The following SEMA6A variants were observed in gnomAD, a reference collection of about 807,000 sequenced individuals.
SEMA6A encodes the protein semaphorin 6A.
In SEMA6A, 25 loss-of-function variants were observed where a neutral mutation model predicts 96.8. The ratio of observed to expected loss-of-function variants is 0.26; its 90% CI spans 0.19 to 0.36. The LOEUF is 0.36. Ranked by LOEUF, SEMA6A falls within the 10% of genes least tolerant of loss-of-function variation. The pLI, the probability that SEMA6A is intolerant of heterozygous loss-of-function variation, is 1.00. For synonymous variants in SEMA6A, 612 were observed against 518.0 expected (o/e 1.18, Z -2.46); for missense variants, 1,363 against 1,323.1 (o/e 1.03, Z -0.47).
In SEMA6A at chr5:116,446,929, G is replaced by A. The variant is rs1484967787; in HGVS notation, c.2777C>T (p.Thr926Met). Residue 926 changes from threonine (T) to methionine (M), a missense_variant, in exon 19 of 19, where the codon ACG becomes ATG. Transcript: ENST00000343348. ...GAGAGTGGTGGCCTGGTGGCTTCTCGTGAGCGAGTTCGTGGGGTAGCTCCT... is the reference window on the plus strand; with the variant it reads ...GAGAGTGGTGGCCTGGTGGCTTCTCATGAGCGAGTTCGTGGGGTAGCTCCT... ...YKRSYPTNSL[T>M]RSHQATTLKR... 3 of 1,613,978 alleles carry A rather than the reference G, an allele frequency of 1.9e-6. No individual in the cohort carries two copies.
intron 7 of SEMA6A, among the ~76,000 whole-genome samples, chr5:116,490,156 G>A (rs1047667264): frequency 1.3e-5 from 2 of 152,072 alleles, no homozygotes; most frequent in African/African-American, 2.4e-5. Context: ...ATTTAGAGAT[G>A]TCTTAATATC....
chr5:116,550,898 C>T (rs987840352), intron 1 of SEMA6A, among the ~76,000 whole-genome samples: 4 of 152,166 alleles, frequency 2.6e-5, no homozygotes, highest in Admixed American at 2.6e-4. Context: ...TCAGGTTTGT[C>T]TTGGGCAACC....
chr5:116,572,722 G>A (rs1476516661), intron 1 of SEMA6A, among the ~76,000 whole-genome samples: 2 of 152,150 alleles, frequency 1.3e-5, no homozygotes, highest in African/African-American at 4.8e-5. Flanking sequence ...AGCAAGTACC[G>A]CGGGCCAGGA....
rs1754147281 is a variant in SEMA6A, at chr5:116,445,874, GA to G, written c.*738del. 2 of 152,646 alleles carry G rather than the reference GA, an allele frequency of 1.3e-5. No homozygotes were observed. The highest frequency in any genetic ancestry group is 4.1e-4 in the South Asian group (2 of 4,826). The allele number at this position is 152,646 out of a possible 1,614,324, so 9.5% of individuals were successfully genotyped here. ...GCTGTTCATAGGATGATATTTGGAAGAGTCCTTTCCTTAAGGAAAAAAAGGG... is the reference window on the plus strand; with the variant it reads ...GCTGTTCATAGGATGATATTTGGAAGGTCCTTTCCTTAAGGAAAAAAAGGG... On this transcript the variant is annotated 3_prime_UTR_variant, in exon 19 of 19. Coordinates refer to ENST00000343348, the MANE Select transcript of SEMA6A (RefSeq NM_020796.5).
chr5:116,448,216 G>A (rs1485506849), intron 18 of SEMA6A, among the ~76,000 whole-genome samples: 1 of 151,466 alleles, frequency 6.6e-6, no homozygotes, highest in Non-Finnish European at 1.5e-5. Flanking sequence ...CGCGGTGGCG[G>A]GGGCTTGTGA....
chr5:116,543,353 C>T (rs1279427836), intron 1 of SEMA6A, among the ~76,000 whole-genome samples: 3 of 152,340 alleles, frequency 2.0e-5, no homozygotes, highest in South Asian at 2.1e-4. Context: ...ACTATGCTCA[C>T]GTTTTCACGT....
chr5:116,487,847 G>A (rs958214308), intron 9 of SEMA6A, among the ~76,000 whole-genome samples: 2 of 152,092 alleles, frequency 1.3e-5, no homozygotes, highest in Non-Finnish European at 2.9e-5. Context: ...CTGGGCAACT[G>A]AGTAAGACTC....
rs201862655 is a variant in SEMA6A at position 116,475,590 on chromosome 5, G to C, written c.1663C>G (p.Gln555Glu). The C allele has an allele frequency of 6.2e-6, 10 of 1,601,566 alleles. No individual in the cohort carries two copies. The highest frequency in any genetic ancestry group is 1.7e-5 in the Admixed American group (1 of 58,600). The stretch of plus-strand genomic sequence containing the variant: ...TCTGTATTGCCACGCTCTATGTCCT[G>C]CTCAAAAGTCAGTCTTTTAAAAAAG... ...LSPNSRLTFE[Q>E]DIERGNTDGL... is the part of the protein sequence containing the mutation. The change falls in exon 16 of 19, where the codon CAG becomes GAG. Residue 555 changes from glutamine (Q) to glutamate (E), a missense_variant. Around this residue, in one of 2 missense-constraint regions of SEMA6A, gnomAD observed 883 missense variants for 763.6 expected, o/e 1.16. Transcript: ENST00000343348.
chr5:116,530,468 TA>T (rs1271170838), intron 1 of SEMA6A, among the ~76,000 whole-genome samples: 5 of 152,176 alleles, frequency 3.3e-5, no homozygotes, highest in Admixed American at 6.5e-5. Flanking sequence ...TCTGGGAGGT[TA>T]AAAAATTATA....
chr5:116,495,955 A>AG, intron 5 of SEMA6A: 1 of 369,406 alleles, frequency 2.7e-6, no homozygotes. Flanking sequence ...TGGACTGCGG[A>AG]GGTGGGCATC....
At position 116,447,040 on chromosome 5, in the gene SEMA6A, C is replaced by A; in HGVS notation, c.2666G>T (p.Gly889Val). Residue 889 changes from glycine (G) to valine (V), a missense_variant, in exon 19 of 19, where the codon GGT (glycine) becomes GTT (valine). By Grantham distance (109) the Gly-to-Val change is moderately radical. Coordinates refer to ENST00000343348, the MANE Select transcript of SEMA6A (RefSeq NM_020796.5). ...CTGAGACAGGGAGGCTCCCGGGGGA[C>A]CCAGGGAGGCCTCCCGCTGTGGAAC... ...PKVPQREASL[G>V]PPGASLSQTG... The A allele has an allele frequency of 6.2e-7, 1 of 1,613,906 alleles. No individual in the cohort carries two copies. The highest frequency in any genetic ancestry group is 1.6e-4 in the Middle Eastern group (1 of 6,062).
intron 17 of SEMA6A, chr5:116,469,043 A>G (rs1755943939): frequency 6.6e-6 from 1 of 152,160 alleles, no homozygotes; most frequent in African/African-American, 2.4e-5. Context: ...TATAACAAAG[A>G]TAGCTTTTTA....
At chr5:116,479,408 GT>G (rs751824991) in intron 12 of SEMA6A, among the ~76,000 whole-genome samples, 52 of 152,334 alleles carry the variant, frequency 3.4e-4, no homozygotes, top group Non-Finnish European at 7.1e-4. Flanking sequence ...CCTCCTGCAA[GT>G]TATATACCAT....
intron 1 of SEMA6A, among the ~76,000 whole-genome samples, chr5:116,569,237 G>T (rs1002875418): frequency 3.9e-5 from 6 of 152,210 alleles, no homozygotes; most frequent in African/African-American, 1.4e-4. Context: ...CACTGAGAAA[G>T]TGACATTTGA....
chr5:116,498,479 A>G lies in SEMA6A; in HGVS notation c.219-1092T>C, dbSNP rs190179692. The G allele has an allele frequency of 5.3e-4, 80 of 152,068 alleles. 2 individuals are homozygous for G. Among genetic ancestry groups the G allele is most frequent in the African/African-American group, 1.7e-3 (70 of 41,490 alleles). The allele number at this position is 152,068 out of a possible 1,614,324, so 9.4% of individuals were successfully genotyped here. The stretch of plus-strand genomic sequence containing the variant: ...GTTTTAGGAAAAATACAACAGAGAA[A>G]GATAACAGGCCGACTCACGTGAATA... On this transcript the variant is annotated intron_variant, in intron 3 of 18. Transcript: ENST00000343348.
intron 11 of SEMA6A, among the ~76,000 whole-genome samples, chr5:116,480,851 T>G (rs919317803): frequency 1.3e-5 from 2 of 152,174 alleles, no homozygotes; most frequent in African/African-American, 4.8e-5. Flanking sequence ...GAAAAGCCAA[T>G]TATATCAGAT....
chr5:116,446,478 G>A lies in SEMA6A; in HGVS notation c.*135C>T. On this transcript the variant is annotated 3_prime_UTR_variant, in exon 19 of 19. Transcript: ENST00000343348. ...GTGAGTACCCCTGTGTCCCAGAGAGGAGGACCCAGCGTCCTCGGCTCTGCC... is the reference window on the plus strand; with the variant it reads ...GTGAGTACCCCTGTGTCCCAGAGAGAAGGACCCAGCGTCCTCGGCTCTGCC... The A allele has an allele frequency of 2.7e-6, 2 of 738,714 alleles. No individual in the cohort carries two copies. The highest frequency in any genetic ancestry group is 5.7e-5 in the South Asian group (2 of 34,800). 45.8% of individuals were successfully genotyped at this position (738,714 alleles called of 1,614,324 possible). A position where few individuals can be genotyped will look rare whatever the true frequency, so the allele number is the denominator to read the frequency against.
At chr5:116,497,427 G>A (rs1757653989) in intron 3 of SEMA6A, 40 bp from the exon 4 acceptor site, 1 of 1,247,846 alleles carries the variant, frequency 8.0e-7, no homozygotes, top group African/African-American at 1.5e-5. Context: ...CAAACACAGA[G>A]TCAAAACAGT....
chr5:116,521,642 A>C (rs1758952191), intron 1 of SEMA6A, among the ~76,000 whole-genome samples: 1 of 151,788 alleles, frequency 6.6e-6, no homozygotes, highest in East Asian at 1.9e-4. Flanking sequence ...GGGGAATATT[A>C]GATCCTTGAG....
Sources: gnomAD v4.1 joint callset for allele counts (sites outside exome capture counted in the v4.1 genomes callset) on GRCh38, gnomAD v4.1.1 for gene constraint, gnomAD v4.1.1 regional missense constraint, MANE v1.5 for transcripts, NCBI Gene and HGNC (gene_info 2026-07-23, HGNC 2026-07-21) for gene names.